SHCBP1L: variants seen among roughly 807,000 people sequenced by gnomAD.
SHCBP1L encodes the protein SHC binding and spindle associated 1 like.
A neutral mutation model predicts 62.5 loss-of-function variants in SHCBP1L; 67 were observed. The ratio of observed to expected loss-of-function variants is 1.07; its 90% CI spans 0.88 to 1.31. The LOEUF (loss-of-function observed/expected upper bound fraction) is 1.31. Ranked by LOEUF, SHCBP1L falls within the 40% of genes most tolerant of loss-of-function variation. SHCBP1L has a pLI of 0.00. For synonymous variants in SHCBP1L, 284 were observed against 289.4 expected (o/e 0.98, Z 0.19); for missense variants, 823 against 809.8 (o/e 1.02, Z -0.20).
intron 5 of SHCBP1L, among the ~76,000 whole-genome samples, chr1:182,932,751 TC>T (rs1651048719): frequency 6.6e-6 from 1 of 152,174 alleles, no homozygotes; most frequent in African/African-American, 2.4e-5. Context: ...CACTTCAGCC[TC>T]CCAAAGTGCT....
intron 2 of SHCBP1L, among the ~76,000 whole-genome samples, chr1:182,943,679 C>T (rs2101955624): frequency 6.6e-6 from 1 of 151,274 alleles, no homozygotes; most frequent in East Asian, 2.0e-4. Flanking sequence ...AACTCTCGAC[C>T]TCAGATGATC....
chr1:182,939,578 C>A, intron 3 of SHCBP1L, 25 bp from the exon 4 acceptor site: 1 of 1,543,494 alleles, frequency 6.5e-7, no homozygotes, highest in Non-Finnish European at 8.8e-7. Flanking sequence ...ATTAAGATGA[C>A]AGTAATCAAA....
chr1:182,913,146 T>G (rs1168178884), intron 6 of SHCBP1L, among the ~76,000 whole-genome samples: 1 of 150,240 alleles, frequency 6.7e-6, no homozygotes, highest in African/African-American at 2.5e-5. Context: ...AAAAATTAAT[T>G]AATTAATTAA....
Position 182,951,397 on chromosome 1 carries a change from C to T in SHCBP1L, c.476G>A (p.Gly159Glu). Reference protein sequence around the residue: ...EKLKLKDKWLGVWKTNPSVFF... With the variant: ...EKLKLKDKWLEVWKTNPSVFF... ...TACACTGGGATTAGTCTTCCAGACT[C>T]CAAGCCATTTGTCTTTCAACTTTAA... is the stretch of plus-strand genomic sequence containing the variant. The change falls in exon 2 of 10, where the codon GGA (glycine) becomes GAA (glutamate). Residue 159 changes from glycine to glutamate, a missense_variant. By Grantham distance (98) the Gly-to-Glu change is moderately conservative. Coordinates refer to ENST00000367547, the MANE Select transcript of SHCBP1L (RefSeq NM_030933.4). The T allele has an allele frequency of 6.2e-7, 1 of 1,609,740 alleles. No homozygotes were observed. The highest frequency in any genetic ancestry group is 8.5e-7 in the Non-Finnish European group (1 of 1,177,526).
At chr1:182,930,689 G>GTATATA (rs1235603214) in intron 5 of SHCBP1L, among the ~76,000 whole-genome samples, 4 of 77,430 alleles carry the variant, frequency 5.2e-5, no homozygotes, top group African/African-American at 2.5e-4. Context: ...GTGTGTGTGT[G>GTATATA]TGTGTGTGTG....
chr1:182,948,306 A>G (rs1174732184), intron 2 of SHCBP1L, among the ~76,000 whole-genome samples: 1 of 152,204 alleles, frequency 6.6e-6, no homozygotes, highest in Non-Finnish European at 1.5e-5. Context: ...TGAATATGTT[A>G]CCTTACATGG....
chr1:182,900,290 T>A, intron 9 of SHCBP1L, 56 bp from the exon 10 acceptor site: 2 of 1,364,398 alleles, frequency 1.5e-6, no homozygotes, highest in Non-Finnish European at 9.8e-7. Flanking sequence ...AAAAATGAAG[T>A]AATGAACATA....
At chr1:182,948,749 T>C (rs1343346711) in intron 2 of SHCBP1L, among the ~76,000 whole-genome samples, 1 of 152,126 alleles carries the variant, frequency 6.6e-6, no homozygotes, top group Admixed American at 6.5e-5. Context: ...CAGGGGCCCA[T>C]AGGAATAAAT....
intron 6 of SHCBP1L, among the ~76,000 whole-genome samples, chr1:182,914,506 G>C (rs977307054): frequency 2.6e-5 from 4 of 152,112 alleles, no homozygotes; most frequent in African/African-American, 9.7e-5. Flanking sequence ...AACATAAAGG[G>C]ACGATGGAGC....
intron 6 of SHCBP1L, among the ~76,000 whole-genome samples, chr1:182,914,167 A>G (rs1650281428): frequency 6.6e-6 from 1 of 152,190 alleles, no homozygotes; most frequent in South Asian, 2.1e-4. Context: ...CAAAAATTCT[A>G]TATCTAGAAA....
At chr1:182,932,739 C>A (rs1157309824) in intron 5 of SHCBP1L, among the ~76,000 whole-genome samples, 1 of 152,146 alleles carries the variant, frequency 6.6e-6, no homozygotes, top group Non-Finnish European at 1.5e-5. Flanking sequence ...AGGTGATCTG[C>A]CCACTTCAGC....
At chr1:182,905,759 T>G (rs1649992852) in intron 6 of SHCBP1L, 110 bp from the exon 7 acceptor site, 1 of 962,972 alleles carries the variant, frequency 1.0e-6, no homozygotes, top group Non-Finnish European at 1.5e-6. Context: ...TTATCATTTA[T>G]TAAAGACTAG....
intron 7 of SHCBP1L, among the ~76,000 whole-genome samples, chr1:182,904,766 C>CTT (rs56874077): frequency 1.3e-4 from 20 of 150,642 alleles, no homozygotes; most frequent in Middle Eastern, 3.4e-3. Context: ...TAATCTTTTT[C>CTT]TTTTTTTTTG....
chr1:182,904,788 C>T (rs1403463562), intron 7 of SHCBP1L, among the ~76,000 whole-genome samples: 4 of 151,536 alleles, frequency 2.6e-5, no homozygotes, highest in African/African-American at 9.7e-5. Flanking sequence ...GACAGTCTTG[C>T]TCTTTCACCC....
rs1157764113 is a variant in SHCBP1L at position 182,953,065 on chromosome 1, G to C, written c.69C>G (p.Gly23=). The change falls in exon 1 of 10, where the codon GGC becomes GGG. Residue 23 remains glycine, a synonymous_variant. Coordinates refer to ENST00000367547, the MANE Select transcript of SHCBP1L (RefSeq NM_030933.4). Reference sequence around the variant, plus strand: ...CGGAGACAGCGGAGGCGGACTTCTCGCCTCGCCTGTCCGGGCTGATGGTGC... The same window carrying C: ...CGGAGACAGCGGAGGCGGACTTCTCCCCTCGCCTGTCCGGGCTGATGGTGC... The part of the protein sequence containing the change: ...SFRTISPDRR[G]EKSASAVSGD... 9 of 1,548,092 alleles carry C rather than the reference G, an allele frequency of 5.8e-6. No individual in the cohort carries two copies. Among genetic ancestry groups the C allele is most frequent in the Non-Finnish European group, 7.8e-6 (9 of 1,152,964 alleles).
intron 6 of SHCBP1L, among the ~76,000 whole-genome samples, chr1:182,915,461 GAAGT>G (rs1473973773): frequency 6.6e-6 from 1 of 152,122 alleles, no homozygotes; most frequent in Admixed American, 6.6e-5. Flanking sequence ...TCACAGAATT[GAAGT>G]AAGAAATAGT....
intron 2 of SHCBP1L, among the ~76,000 whole-genome samples, chr1:182,943,418 G>C (rs1651442396): frequency 6.7e-6 from 1 of 149,946 alleles, no homozygotes; most frequent in Admixed American, 6.7e-5. Flanking sequence ...CACCATGCCT[G>C]GCCTAGTTTT....
rs1457657178 is a variant in SHCBP1L at position 182,952,892 on chromosome 1, G to A, written c.242C>T (p.Thr81Met). ...CGCCGCCGCCGCCGCCGCCTCTCCC[G>A]TGTCCTCGGCCTGAGCCGCGGGCAG... Reference protein sequence around the residue: ...QRLPAAQAEDTGEAAAAAAEE... With the variant: ...QRLPAAQAEDMGEAAAAAAEE... The change falls in exon 1 of 10, where the codon ACG becomes ATG. Residue 81 changes from threonine (T) to methionine (M), a missense_variant. Transcript: ENST00000367547. 4 of 1,589,794 alleles carry A rather than the reference G, an allele frequency of 2.5e-6. No homozygotes were observed. The highest frequency in any genetic ancestry group is 8.6e-7 in the Non-Finnish European group (1 of 1,169,242).
intron 9 of SHCBP1L, among the ~76,000 whole-genome samples, chr1:182,901,239 C>CCT (rs1649823521): frequency 6.6e-6 from 1 of 152,108 alleles, no homozygotes; most frequent in South Asian, 2.1e-4. Flanking sequence ...GGGCGGATCA[C>CCT]CTGAGGTCAG....
Sources: gnomAD v4.1 joint callset for allele counts (sites outside exome capture counted in the v4.1 genomes callset) on GRCh38, gnomAD v4.1.1 for gene constraint, MANE v1.5 for transcripts, NCBI Gene and HGNC (gene_info 2026-07-23, HGNC 2026-07-21) for gene names.